The following SDC3 variants were observed in gnomAD, a reference collection of about 807,000 sequenced individuals.
SDC3 encodes syndecan 3, also known as syndecan-3.
A neutral mutation model predicts 24.4 loss-of-function variants in SDC3; 13 were observed. That is an observed-to-expected ratio of 0.53 (90% CI 0.35 to 0.85). The LOEUF is 0.85. Among genes scored for constraint, SDC3 ranks in the 40% least tolerant of loss-of-function variants. The probability of loss-of-function intolerance (pLI) is 0.01; values close to 1 mark genes in which losing one functional copy is unlikely to be tolerated. For missense variants in SDC3, 571 were observed against 584.5 expected, an observed-to-expected ratio of 0.98 and a Z score of 0.24; for synonymous variants, 295 against 260.9, an observed-to-expected ratio of 1.13 and a Z score of -1.26.
intron 1 of SDC3, among the ~76,000 whole-genome samples, chr1:30,892,616 C>T (rs928359366): frequency 2.6e-5 from 4 of 152,156 alleles, no homozygotes; most frequent in South Asian, 2.1e-4. Context: ...AAACCCAGGA[C>T]GAGGATGGGT....
At chr1:30,876,516 T>C in intron 3 of SDC3, 36 bp downstream of exon 3, 2 of 826,806 alleles carry the variant, frequency 2.4e-6, no homozygotes, top group Non-Finnish European at 3.5e-6. Flanking sequence ...CCCACCCTCC[T>C]CCGCCCTCCT....
At chr1:30,875,648 C>T (rs1274322653) in intron 3 of SDC3, among the ~76,000 whole-genome samples, 1 of 152,200 alleles carries the variant, frequency 6.6e-6, no homozygotes, top group Non-Finnish European at 1.5e-5. Context: ...TTCATCCATC[C>T]CTGGCACTCC....
rs1010069412 is a variant in SDC3 at position 30,871,102 on chromosome 1, T to G, written c.*2109A>C. The G allele has an allele frequency of 6.6e-6, 1 of 152,150 alleles. No individual in the cohort carries two copies. Among genetic ancestry groups the G allele is most frequent in the Non-Finnish European group, 1.5e-5 (1 of 68,060 alleles). The allele number at this position is 152,150 out of a possible 1,614,324, so 9.4% of individuals were successfully genotyped here. On this transcript the variant is annotated 3_prime_UTR_variant, in exon 5 of 5. Coordinates refer to ENST00000339394, the MANE Select transcript of SDC3 (RefSeq NM_014654.4). Reference sequence around the variant, plus strand: ...GGTCCACCTGGCTTCCTCACAAGCCTCTGGGCCCTGTGAAGGAGGGTTTTG... The same window carrying G: ...GGTCCACCTGGCTTCCTCACAAGCCGCTGGGCCCTGTGAAGGAGGGTTTTG...
rs145862188 is a variant in SDC3, at chr1:30,887,066, C to G, written c.139-8326G>C. On this transcript the variant is annotated intron_variant, in intron 1 of 4. Coordinates refer to ENST00000339394, the MANE Select transcript of SDC3 (RefSeq NM_014654.4). Reference sequence around the variant, plus strand: ...CAAAAGCAGGGCAAATGTCAGAGACCAGCACCACCTCACACTCAGCTCCCT... The same window carrying G: ...CAAAAGCAGGGCAAATGTCAGAGACGAGCACCACCTCACACTCAGCTCCCT... Among the ~76,000 whole-genome samples, 190 of 152,220 alleles carry G rather than the reference C, an allele frequency of 1.2e-3. 1 individual carries two copies. Among genetic ancestry groups the G allele is most frequent in the Admixed American group, 3.9e-3 (60 of 15,294 alleles).
chr1:30,887,339 C>A (rs1639845217), intron 1 of SDC3, among the ~76,000 whole-genome samples: 1 of 152,128 alleles, frequency 6.6e-6, no homozygotes, highest in Non-Finnish European at 1.5e-5. Flanking sequence ...CCCGCCCTGG[C>A]TTCCCACTCC....
At chr1:30,899,188 G>C (rs1427921169) in intron 1 of SDC3, among the ~76,000 whole-genome samples, 2 of 152,226 alleles carry the variant, frequency 1.3e-5, no homozygotes, top group African/African-American at 4.8e-5. Flanking sequence ...CCAGGATCAA[G>C]CAATTCTCCT....
At chr1:30,906,204 AT>A (rs1309540808) in intron 1 of SDC3, among the ~76,000 whole-genome samples, 1 of 152,160 alleles carries the variant, frequency 6.6e-6, no homozygotes, top group African/African-American at 2.4e-5. Context: ...CCCAAGTCAG[AT>A]GAGGACAAGA....
intron 1 of SDC3, among the ~76,000 whole-genome samples, chr1:30,886,392 C>T (rs1639830338): frequency 6.6e-6 from 1 of 152,110 alleles, no homozygotes; most frequent in Non-Finnish European, 1.5e-5. Flanking sequence ...AACCACCTCC[C>T]TGGTCCAAAT....
intron 1 of SDC3, among the ~76,000 whole-genome samples, chr1:30,886,126 C>G (rs1570008566): frequency 6.6e-6 from 1 of 150,792 alleles, no homozygotes; most frequent in Middle Eastern, 3.4e-3. Context: ...CACCCCCATA[C>G]TCCTCCCACA....
At position 30,875,256 on chromosome 1, in the gene SDC3, T is replaced by C. The variant is rs536019156; in HGVS notation, c.871-668A>G. On this transcript the variant is annotated intron_variant, in intron 3 of 4. Transcript: ENST00000339394. Reference sequence around the variant, plus strand: ...AAAGGTGGGCATGGAAAGGCAGGCCTGATGTCCAGGCTGAAAAGAGGCTGC... The same window carrying C: ...AAAGGTGGGCATGGAAAGGCAGGCCCGATGTCCAGGCTGAAAAGAGGCTGC... 5.9e-5 allele frequency among the ~76,000 whole-genome samples: 9 copies of C among 152,334 alleles called. No individual in the cohort carries two copies. In the South Asian group the frequency reaches 1.9e-3, roughly 32 times the overall value.
intron 1 of SDC3, among the ~76,000 whole-genome samples, chr1:30,881,991 C>A (rs955761543): frequency 6.6e-6 from 1 of 152,168 alleles, no homozygotes; most frequent in Non-Finnish European, 1.5e-5. Flanking sequence ...AACATCCACA[C>A]CCACGCGCCA....
intron 1 of SDC3, among the ~76,000 whole-genome samples, chr1:30,893,587 G>A (rs1639939875): frequency 6.6e-6 from 1 of 151,806 alleles, no homozygotes; most frequent in African/African-American, 2.4e-5. Flanking sequence ...CCTCCTCCCT[G>A]CTCAGGGCCC....
At chr1:30,882,748 T>C (rs557454129) in intron 1 of SDC3, among the ~76,000 whole-genome samples, 15 of 151,780 alleles carry the variant, frequency 9.9e-5, no homozygotes, top group African/African-American at 3.6e-4. Context: ...GAATTTGGGG[T>C]CTCTCGTGCC....
intron 1 of SDC3, chr1:30,879,990 C>T (rs1341149909): frequency 6.6e-6 from 1 of 152,546 alleles, no homozygotes; most frequent in African/African-American, 2.4e-5. Flanking sequence ...AAAGCAGCCA[C>T]AGAGGGCTCA....
intron 1 of SDC3, among the ~76,000 whole-genome samples, chr1:30,887,599 C>T (rs1035523274): frequency 2.0e-5 from 3 of 152,192 alleles, no homozygotes; most frequent in Non-Finnish European, 4.4e-5. Flanking sequence ...AGTCCTCAAT[C>T]GCTTACCACT....
chr1:30,869,967 G>A lies in SDC3; in HGVS notation c.*3244C>T, dbSNP rs1639504136. On this transcript the variant is annotated 3_prime_UTR_variant, in exon 5 of 5. Transcript: ENST00000339394. The stretch of plus-strand genomic sequence containing the variant: ...TCGGCTCTCAGATGGCAACTCCCAG[G>A]GCCCAGTCTCGATGCCTCTGTAAAT... 1 of 398,404 alleles carries A rather than the reference G, an allele frequency of 2.5e-6. No individual in the cohort carries two copies. Among genetic ancestry groups the A allele is most frequent in the African/African-American group, 2.1e-5 (1 of 48,736 alleles). The allele number at this position is 398,404 out of a possible 1,614,324, so 24.7% of individuals were successfully genotyped here.
chr1:30,885,925 AC>A (rs1387807460), intron 1 of SDC3, among the ~76,000 whole-genome samples: 1 of 151,854 alleles, frequency 6.6e-6, no homozygotes, highest in Non-Finnish European at 1.5e-5. Flanking sequence ...CCCCTCCTCA[AC>A]CCAGGGCTGG....
intron 1 of SDC3, among the ~76,000 whole-genome samples, chr1:30,894,827 A>C (rs560449379): frequency 6.6e-6 from 1 of 151,772 alleles, no homozygotes; most frequent in African/African-American, 2.4e-5. Context: ...AGGTGCATCC[A>C]TGTGTGTATG....
chr1:30,908,401 G>T (rs1171247565), intron 1 of SDC3, 48 bp downstream of exon 1: 4 of 996,524 alleles, frequency 4.0e-6, no homozygotes, highest in Non-Finnish European at 4.8e-6. Flanking sequence ...CCCGCGCGGG[G>T]GGCGGCCCCG....
Sources: allele counts gnomAD v4.1 joint callset (sites outside exome capture counted in the v4.1 genomes callset), GRCh38; gene constraint gnomAD v4.1.1; transcripts MANE v1.5; gene names NCBI Gene and HGNC (gene_info 2026-07-23, HGNC 2026-07-21).